Variants in CPED1 observed in about 807,000 individuals in gnomAD.
The protein encoded by CPED1 is cadherin-like and PC-esterase domain-containing protein 1.
Under a neutral mutation model 128.2 loss-of-function variants are expected in CPED1, and 114 were observed. That is an observed-to-expected ratio of 0.89 (90% CI 0.76 to 1.04). The LOEUF (loss-of-function observed/expected upper bound fraction) is 1.04, where lower values mean the gene tolerates loss of function less well. Among genes scored for constraint, CPED1 ranks in the 50% least tolerant of loss-of-function variants. The pLI, the probability that CPED1 is intolerant of heterozygous loss-of-function variation, is 0.00. For synonymous variants in CPED1, 462 were observed against 426.7 expected, an observed-to-expected ratio of 1.08 and a Z score of -1.02; for missense variants, 1,211 against 1,207.1, an observed-to-expected ratio of 1.00 and a Z score of -0.05.
intron 21 of CPED1, among the ~76,000 whole-genome samples, chr7:121,269,926 G>A (rs1049283015): frequency 6.6e-6 from 1 of 152,072 alleles, no homozygotes; most frequent in Admixed American, 6.6e-5. Context: ...GAGGCTTCAG[G>A]AAGCTTACAA....
At chr7:121,048,508 AC>A (rs1460829108) in intron 4 of CPED1, among the ~76,000 whole-genome samples, 1 of 149,070 alleles carries the variant, frequency 6.7e-6, no homozygotes, top group Non-Finnish European at 1.5e-5. Context: ...ACTGAATTTA[AC>A]CTCTTAACGT....
At chr7:121,231,754 A>T (rs910410175) in intron 16 of CPED1, among the ~76,000 whole-genome samples, 2 of 152,144 alleles carry the variant, frequency 1.3e-5, no homozygotes, top group Non-Finnish European at 2.9e-5. Context: ...AATCATGGGA[A>T]TGGAAGTTCT....
At chr7:121,021,063 G>A (rs1260859699) in intron 3 of CPED1, among the ~76,000 whole-genome samples, 1 of 151,822 alleles carries the variant, frequency 6.6e-6, no homozygotes, top group African/African-American at 2.4e-5. Context: ...GTATTTATTG[G>A]AATTTGTATT....
chr7:121,085,475 GA>G (rs34268226), intron 5 of CPED1, among the ~76,000 whole-genome samples: 1 of 151,924 alleles, frequency 6.6e-6, no homozygotes, highest in Non-Finnish European at 1.5e-5. Context: ...CAGATAACTT[GA>G]AAAAAATGTT....
At chr7:121,100,207 C>A (rs1794815663) in intron 7 of CPED1, 113 bp downstream of exon 7, 2 of 911,236 alleles carry the variant, frequency 2.2e-6, no homozygotes, top group South Asian at 1.8e-5. Context: ...GAACAAGGAT[C>A]ACATCTTTTT....
At chr7:121,063,792 G>T (rs906501303) in intron 4 of CPED1, among the ~76,000 whole-genome samples, 1 of 151,062 alleles carries the variant, frequency 6.6e-6, no homozygotes, top group Non-Finnish European at 1.5e-5. Flanking sequence ...AACAAGTTTT[G>T]GTTGAAGTGA....
chr7:121,238,659 A>G (rs1263715723), intron 17 of CPED1, among the ~76,000 whole-genome samples: 1 of 151,934 alleles, frequency 6.6e-6, no homozygotes, highest in Non-Finnish European at 1.5e-5. Context: ...GGGTGAAGCC[A>G]GTAAAGATTA....
intron 3 of CPED1, among the ~76,000 whole-genome samples, chr7:121,038,283 C>T (rs571572944): frequency 5.3e-5 from 8 of 152,032 alleles, no homozygotes; most frequent in East Asian, 3.9e-4. Flanking sequence ...TTGCTGTAGA[C>T]GGCTTTTAGT....
chr7:121,275,131 G>GT (rs1792306271), intron 22 of CPED1, among the ~76,000 whole-genome samples: 1 of 152,086 alleles, frequency 6.6e-6, no homozygotes. Flanking sequence ...AGATATTGAT[G>GT]TTTTTTCTTT....
intron 5 of CPED1, among the ~76,000 whole-genome samples, chr7:121,086,224 C>G (rs544372572): frequency 6.6e-6 from 1 of 152,264 alleles, no homozygotes; most frequent in East Asian, 1.9e-4. Flanking sequence ...GTATTTGTAG[C>G]AGGCTATAAA....
intron 18 of CPED1, among the ~76,000 whole-genome samples, chr7:121,254,909 TAA>T (rs58987925): frequency 1.4e-5 from 2 of 147,176 alleles, no homozygotes; most frequent in African/African-American, 2.5e-5. Flanking sequence ...AATCAGTAAT[TAA>T]AAAAAAAAAC....
At chr7:121,036,508 T>TATATA (rs561110849) in intron 3 of CPED1, among the ~76,000 whole-genome samples, 4,056 of 130,098 alleles carry the variant, frequency 0.031, 111 homozygotes, top group African/African-American at 0.094. Context: ...TATATATATA[T>TATATA]TTTTTTTTTC....
chr7:120,995,222 T>C (rs1248034606), intron 2 of CPED1, among the ~76,000 whole-genome samples: 1 of 152,200 alleles, frequency 6.6e-6, no homozygotes, highest in East Asian at 1.9e-4. Context: ...CATTTGGTCA[T>C]TTCTATTGAA....
At chr7:121,209,650 TAC>T (rs1438973338) in intron 16 of CPED1, among the ~76,000 whole-genome samples, 2 of 152,026 alleles carry the variant, frequency 1.3e-5, no homozygotes, top group East Asian at 3.9e-4. Flanking sequence ...ACTATGAAAC[TAC>T]TAAAAAAATT....
chr7:120,994,513 A>G (rs73431822), intron 2 of CPED1, among the ~76,000 whole-genome samples: 2,173 of 152,322 alleles, frequency 0.014, 22 homozygotes, highest in African/African-American at 0.03. Flanking sequence ...AAGGAACTAG[A>G]GAGGGTAGAG....
intron 16 of CPED1, among the ~76,000 whole-genome samples, chr7:121,232,716 T>C (rs1034647141): frequency 6.6e-6 from 1 of 152,016 alleles, no homozygotes; most frequent in Non-Finnish European, 1.5e-5. Flanking sequence ...TTACTGGAAA[T>C]GGCAGTAGCC....
chr7:121,245,002 A>G (rs1486726135), intron 18 of CPED1, among the ~76,000 whole-genome samples: 2 of 152,328 alleles, frequency 1.3e-5, no homozygotes, highest in East Asian at 3.9e-4. Context: ...ATGCTTGGTT[A>G]ACATCAAGTA....
At chr7:121,271,252 TA>T (rs1218466229) in intron 21 of CPED1, 31 bp from the exon 22 acceptor site, 7 of 1,569,724 alleles carry the variant, frequency 4.5e-6, no homozygotes, top group Non-Finnish European at 6.1e-6. Flanking sequence ...CCTCTGGTAA[TA>T]AAAATTCTCA....
At chr7:121,127,372 C>A (rs1359759710) in intron 10 of CPED1, 115 bp downstream of exon 10, 4 of 610,852 alleles carry the variant, frequency 6.5e-6, no homozygotes, top group Non-Finnish European at 1.1e-5. Flanking sequence ...TAATTGGTAT[C>A]TATTATATCA....
Sources: allele counts gnomAD v4.1 joint callset (sites outside exome capture counted in the v4.1 genomes callset), GRCh38; gene constraint gnomAD v4.1.1; transcripts MANE v1.5; gene names NCBI Gene and HGNC (gene_info 2026-07-23, HGNC 2026-07-21).